The following TANGO6 variants were observed in gnomAD, a reference collection of about 807,000 sequenced individuals.
TANGO6 encodes transport and golgi organization 6 homolog.
In TANGO6, 90 loss-of-function variants were observed where a neutral mutation model predicts 114.2. That is an observed-to-expected ratio of 0.79 (90% CI 0.66 to 0.94). The LOEUF (loss-of-function observed/expected upper bound fraction) is 0.94, where lower values mean the gene tolerates loss of function less well. Ranked by LOEUF, TANGO6 falls within the 40% of genes least tolerant of loss-of-function variation. The pLI is 0.00. For synonymous variants in TANGO6, 477 were observed against 509.8 expected (o/e 0.94, Z 0.87); for missense variants, 1,274 against 1,315.3 (o/e 0.97, Z 0.49).
intron 16 of TANGO6, among the ~76,000 whole-genome samples, chr16:69,031,798 C>T (rs1036288741): frequency 2.0e-5 from 3 of 151,170 alleles, no homozygotes; most frequent in Non-Finnish European, 3.0e-5. Context: ...GCTGGGACTA[C>T]AGGTGTGTGC....
intron 9 of TANGO6, among the ~76,000 whole-genome samples, chr16:68,903,605 G>A (rs1360574136): frequency 1.6e-5 from 2 of 124,380 alleles, no homozygotes; most frequent in African/African-American, 3.2e-5. Context: ...GCAACAGGGC[G>A]AGACCATCTC....
At chr16:68,902,250 T>G (rs1424913353) in intron 8 of TANGO6, 78 bp from the exon 9 acceptor site, 4 of 1,420,338 alleles carry the variant, frequency 2.8e-6, no homozygotes, top group Non-Finnish European at 3.8e-6. Flanking sequence ...CTGACAGCCT[T>G]TCTTTCTTTT....
At chr16:68,950,350 G>T (rs1266265829) in intron 14 of TANGO6, among the ~76,000 whole-genome samples, 1 of 152,196 alleles carries the variant, frequency 6.6e-6, no homozygotes, top group Non-Finnish European at 1.5e-5. Flanking sequence ...CAGATCACCT[G>T]AGGTCAGGAG....
chr16:68,977,380 T>A (rs905315550), intron 15 of TANGO6, among the ~76,000 whole-genome samples: 4 of 151,578 alleles, frequency 2.6e-5, no homozygotes, highest in Non-Finnish European at 5.9e-5. Context: ...TTTATTTATT[T>A]AATTTTTTTT....
At chr16:68,989,054 G>A (rs968161856) in intron 15 of TANGO6, among the ~76,000 whole-genome samples, 6 of 152,060 alleles carry the variant, frequency 3.9e-5, no homozygotes, top group Non-Finnish European at 5.9e-5. Flanking sequence ...TGTGGGAATG[G>A]GTTTTCACCA....
intron 7 of TANGO6, chr16:68,885,783 A>C (rs563635897): frequency 6.6e-6 from 1 of 152,278 alleles, no homozygotes; most frequent in East Asian, 1.9e-4. Context: ...TTATCTGTTC[A>C]TCTGTTGATG....
At chr16:68,866,479 C>T (rs1469570419) in intron 3 of TANGO6, among the ~76,000 whole-genome samples, 9 of 149,120 alleles carry the variant, frequency 6.0e-5, no homozygotes, top group South Asian at 4.3e-4. Flanking sequence ...AAAAATTAGC[C>T]GGGCGCGGTG....
intron 15 of TANGO6, among the ~76,000 whole-genome samples, chr16:69,009,708 C>T (rs1248564479): frequency 1.3e-5 from 2 of 152,256 alleles, no homozygotes; most frequent in Middle Eastern, 3.4e-3. Context: ...TATTTGTCTT[C>T]TTTAATTTCT....
At chr16:68,952,999 TTTG>T (rs959168204) in intron 14 of TANGO6, among the ~76,000 whole-genome samples, 1 of 151,318 alleles carries the variant, frequency 6.6e-6, no homozygotes, top group Non-Finnish European at 1.5e-5. Context: ...GGGTTTTCTT[TTTG>T]TTGTTGTTGT....
At chr16:69,076,055 G>A (rs142277786) in intron 17 of TANGO6, among the ~76,000 whole-genome samples, 4,454 of 147,830 alleles carry the variant, frequency 0.03, 94 homozygotes, top group Non-Finnish European at 0.041. Flanking sequence ...GAGCCACCGC[G>A]CCTGGCCTGA....
At chr16:69,017,660 A>G (rs1269528174) in intron 15 of TANGO6, among the ~76,000 whole-genome samples, 3 of 152,108 alleles carry the variant, frequency 2.0e-5, no homozygotes, top group Non-Finnish European at 1.5e-5. Flanking sequence ...TCACACACTT[A>G]GAAGTGGAAG....
chr16:69,019,857 G>C (rs1475689360), intron 15 of TANGO6, among the ~76,000 whole-genome samples: 1 of 151,938 alleles, frequency 6.6e-6, no homozygotes, highest in Non-Finnish European at 1.5e-5. Context: ...CTTCTTAAAG[G>C]GTAAAAATAG....
chr16:68,996,907 C>T (rs3885991), intron 15 of TANGO6, among the ~76,000 whole-genome samples: 4,568 of 152,200 alleles, frequency 0.03, 231 homozygotes, highest in African/African-American at 0.1. Flanking sequence ...GATTAAAATT[C>T]AAAGATACAC....
At chr16:68,954,575 A>G (rs1597035165) in intron 14 of TANGO6, among the ~76,000 whole-genome samples, 1 of 152,246 alleles carries the variant, frequency 6.6e-6, no homozygotes, top group East Asian at 1.9e-4. Context: ...AGAAAGTTTT[A>G]TACCACATTT....
At chr16:69,043,543 A>G (rs1232985453) in intron 17 of TANGO6, among the ~76,000 whole-genome samples, 1 of 152,178 alleles carries the variant, frequency 6.6e-6, no homozygotes, top group Non-Finnish European at 1.5e-5. Context: ...ACTGAAACTT[A>G]TAAGTTGTGC....
At chr16:68,986,191 AAGTC>A (rs1250371433) in intron 15 of TANGO6, among the ~76,000 whole-genome samples, 2 of 152,224 alleles carry the variant, frequency 1.3e-5, no homozygotes, top group African/African-American at 4.8e-5. Flanking sequence ...AGACTTCTAA[AAGTC>A]AGAACAAAAA....
intron 17 of TANGO6, among the ~76,000 whole-genome samples, chr16:69,062,722 C>G (rs1252786081): frequency 2.0e-5 from 3 of 150,066 alleles, no homozygotes; most frequent in African/African-American, 7.3e-5. Flanking sequence ...ATCCACCCAC[C>G]TCGGCCTCCC....
chr16:68,910,745 C>A (rs1019640630), intron 11 of TANGO6, among the ~76,000 whole-genome samples: 1 of 152,122 alleles, frequency 6.6e-6, no homozygotes, highest in African/African-American at 2.4e-5. Flanking sequence ...GGCGCAGTCT[C>A]GGCTCACTGC....
chr16:68,953,351 G>A (rs1963493493), intron 14 of TANGO6, among the ~76,000 whole-genome samples: 1 of 152,082 alleles, frequency 6.6e-6, no homozygotes, highest in Admixed American at 6.6e-5. Flanking sequence ...CCAAAGTGCT[G>A]GGATTATAGG....
Sources: gnomAD v4.1 joint callset for allele counts (sites outside exome capture counted in the v4.1 genomes callset) on GRCh38, gnomAD v4.1.1 for gene constraint, MANE v1.5 for transcripts, NCBI Gene and HGNC (gene_info 2026-07-23, HGNC 2026-07-21) for gene names.